Variants in SAMD3 observed in about 807,000 individuals in gnomAD.
SAMD3 encodes the protein sterile alpha motif domain-containing protein 3.
Under a neutral mutation model 58.5 loss-of-function variants are expected in SAMD3, and 63 were observed. The ratio of observed to expected loss-of-function variants is 1.08; its 90% CI spans 0.88 to 1.33. The LOEUF (loss-of-function observed/expected upper bound fraction) is 1.33, where lower values mean the gene tolerates loss of function less well. Ranked by LOEUF, SAMD3 falls within the 40% of genes most tolerant of loss-of-function variation. The pLI is 0.00. For synonymous variants in SAMD3, 220 were observed against 210.3 expected (o/e 1.05, Z -0.40); for missense variants, 604 against 608.4 (o/e 0.99, Z 0.08).
chr6:130,195,374 CGCCTGCTACA>C (rs1454559797), intron 5 of SAMD3, among the ~76,000 whole-genome samples: 1 of 152,146 alleles, frequency 6.6e-6, no homozygotes, highest in Non-Finnish European at 1.5e-5. Flanking sequence ...TGTTATCACT[CGCCTGCTACA>C]GCATGGTGTT....
chr6:130,276,470 G>A (rs1024984264), intron 2 of SAMD3, among the ~76,000 whole-genome samples: 8 of 152,080 alleles, frequency 5.3e-5, no homozygotes, highest in Admixed American at 3.9e-4. Flanking sequence ...TAAAGAGTGG[G>A]TGGAATAATA....
chr6:130,180,872 G>A (rs571137343), intron 7 of SAMD3, among the ~76,000 whole-genome samples: 1 of 151,994 alleles, frequency 6.6e-6, no homozygotes, highest in African/African-American at 2.4e-5. Context: ...GTTGTTAGGA[G>A]TATATGCATA....
chr6:130,248,700 C>T (rs774605148), intron 2 of SAMD3, among the ~76,000 whole-genome samples: 2 of 152,040 alleles, frequency 1.3e-5, no homozygotes, highest in African/African-American at 2.4e-5. Flanking sequence ...TAGTGCTGAC[C>T]GAAACCATGG....
chr6:130,188,187 T>C (rs1793182162), intron 5 of SAMD3, among the ~76,000 whole-genome samples: 1 of 152,136 alleles, frequency 6.6e-6, no homozygotes, highest in South Asian at 2.1e-4. Context: ...TTTCCCTGCT[T>C]CCAAAGAGCA....
chr6:130,262,726 TAAG>T (rs1409604025), intron 2 of SAMD3, among the ~76,000 whole-genome samples: 2 of 152,188 alleles, frequency 1.3e-5, no homozygotes, highest in East Asian at 3.8e-4. Context: ...CTTCTAGTAG[TAAG>T]AATTATAAGG....
chr6:130,267,047 T>G (rs1043279163), intron 2 of SAMD3, among the ~76,000 whole-genome samples: 2 of 152,206 alleles, frequency 1.3e-5, no homozygotes, highest in South Asian at 4.1e-4. Context: ...GAATGCTATC[T>G]ATCAAAATAG....
rs1298630417 is a variant in SAMD3 at position 130,214,337 on chromosome 6, T to G, written c.269A>C (p.Asp90Ala). 6.3e-7 allele frequency: 1 copy of G among 1,586,560 alleles called. No individual in the cohort carries two copies. The highest frequency in any genetic ancestry group is 8.6e-7 in the Non-Finnish European group (1 of 1,168,858). Residue 90 changes from aspartate (D) to alanine (A), a missense_variant and splice_region_variant, in exon 4 of 12, where the codon GAT becomes GCT. Transcript: ENST00000439090. ...TAAGGCCATTTATGAACATACTCAC[T>G]CTCGAGCTGCTTCTGTTTGCATGAC... Reference protein sequence around the residue: ...ALVMQTEAARDYRDEESSSPA... With the variant: ...ALVMQTEAARAYRDEESSSPA...
intron 4 of SAMD3, among the ~76,000 whole-genome samples, chr6:130,213,894 G>C (rs998407436): frequency 4.6e-5 from 7 of 152,084 alleles, no homozygotes; most frequent in Admixed American, 1.3e-4. Context: ...AAGGCATCTA[G>C]AGAAGACTAT....
intron 1 of SAMD3, among the ~76,000 whole-genome samples, chr6:130,342,393 C>T (rs539627519): frequency 1.3e-5 from 2 of 152,178 alleles, no homozygotes; most frequent in South Asian, 2.1e-4. Context: ...AATGTAATTG[C>T]TAAGCAAACT....
intron 2 of SAMD3, among the ~76,000 whole-genome samples, chr6:130,251,124 C>A (rs1773723764): frequency 6.6e-6 from 1 of 152,134 alleles, no homozygotes; most frequent in South Asian, 2.1e-4. Flanking sequence ...TGATTATAGC[C>A]ATCCAAGTGG....
At chr6:130,220,861 T>C (rs1236944538) in intron 1 of SAMD3, among the ~76,000 whole-genome samples, 1 of 151,604 alleles carries the variant, frequency 6.6e-6, no homozygotes, top group African/African-American at 2.4e-5. Flanking sequence ...ACTGAAAATA[T>C]CTTTTTTTTT....
intron 1 of SAMD3, among the ~76,000 whole-genome samples, chr6:130,348,101 C>A (rs559459002): frequency 6.6e-6 from 1 of 152,102 alleles, no homozygotes; most frequent in Non-Finnish European, 1.5e-5. Context: ...AAGGAACAAC[C>A]GGTACCAGCC....
At chr6:130,282,022 C>T (rs914253996) in intron 2 of SAMD3, among the ~76,000 whole-genome samples, 1 of 152,208 alleles carries the variant, frequency 6.6e-6, no homozygotes, top group African/African-American at 2.4e-5. Context: ...ATATCCTCTG[C>T]CTCTGTAGTA....
At chr6:130,345,189 G>T (rs1393818324) in intron 1 of SAMD3, among the ~76,000 whole-genome samples, 1 of 152,204 alleles carries the variant, frequency 6.6e-6, no homozygotes, top group Non-Finnish European at 1.5e-5. Context: ...GGAGGTGGAA[G>T]AAGCCTGCGT....
chr6:130,148,451 G>A (rs962924782), intron 9 of SAMD3, among the ~76,000 whole-genome samples: 7 of 152,198 alleles, frequency 4.6e-5, no homozygotes, highest in Non-Finnish European at 7.3e-5. Flanking sequence ...GCATTACACA[G>A]TATTTCAGAC....
intron 1 of SAMD3, among the ~76,000 whole-genome samples, chr6:130,316,049 G>A (rs768559235): frequency 1.3e-5 from 2 of 152,148 alleles, no homozygotes; most frequent in East Asian, 1.9e-4. Context: ...CCAGCACTTC[G>A]GGAGGCCGAG....
chr6:130,279,234 G>A (rs979505816), intron 2 of SAMD3, among the ~76,000 whole-genome samples: 1 of 152,084 alleles, frequency 6.6e-6, no homozygotes, highest in Admixed American at 6.6e-5. Flanking sequence ...ATCTTAAATT[G>A]TCATCCTTAT....
intron 1 of SAMD3, among the ~76,000 whole-genome samples, chr6:130,361,971 G>C: frequency 1.3e-5 from 2 of 152,298 alleles, no homozygotes; most frequent in Middle Eastern, 6.8e-3. Context: ...ATGGATGAGG[G>C]CAATTAAACC....
intron 2 of SAMD3, among the ~76,000 whole-genome samples, chr6:130,268,483 G>C (rs771542588): frequency 6.6e-6 from 1 of 152,048 alleles, no homozygotes; most frequent in East Asian, 1.9e-4. Context: ...AATGCCCTAG[G>C]CCTTCATATT....
Sources: gnomAD v4.1 joint callset for allele counts (sites outside exome capture counted in the v4.1 genomes callset) on GRCh38, gnomAD v4.1.1 for gene constraint, MANE v1.5 for transcripts, NCBI Gene and HGNC (gene_info 2026-07-23, HGNC 2026-07-21) for gene names.